The following NBAS variants were observed in gnomAD, a reference collection of about 807,000 sequenced individuals.
NBAS encodes the protein NAG/BC035112 fusion.
In NBAS, 219 loss-of-function variants were observed where a neutral mutation model predicts 302.5. That is an observed-to-expected ratio of 0.72 (90% CI 0.65 to 0.81). NBAS has a LOEUF of 0.81. Ranked by LOEUF, NBAS falls within the 30% of genes least tolerant of loss-of-function variation. The pLI, the probability that NBAS is intolerant of heterozygous loss-of-function variation, is 0.00. For missense variants in NBAS, 2,932 were observed against 2,841.6 expected, an observed-to-expected ratio of 1.03 and a Z score of -0.72; for synonymous variants, 1,118 against 1,021.6, an observed-to-expected ratio of 1.09 and a Z score of -1.80.
intron 48 of NBAS, among the ~76,000 whole-genome samples, chr2:15,202,701 G>A (rs1167431774): frequency 1.3e-5 from 2 of 152,038 alleles, no homozygotes; most frequent in African/African-American, 2.4e-5. Context: ...TACCACGCTG[G>A]GCTAATTTTG....
In NBAS at chr2:15,339,508, A is replaced by G. The variant is rs561465883; in HGVS notation, c.4180-8743T>C. Among the ~76,000 whole-genome samples the G allele has an allele frequency of 1.3e-4, 20 of 152,320 alleles. No homozygotes were observed. The South Asian group carries it at 3.9e-3, about 30-fold the overall frequency. ...CATTTACTCATTCATTCTTCCACAA[A>G]TATTTATGACACCAACTTGTGACAG... On this transcript the variant is annotated intron_variant, in intron 35 of 51. Transcript: ENST00000281513.
At chr2:15,353,455 T>C (rs1673463505) in intron 34 of NBAS, 98 bp downstream of exon 34, 2 of 1,429,124 alleles carry the variant, frequency 1.4e-6, no homozygotes, top group Admixed American at 1.7e-5. Context: ...AAATTAAAAT[T>C]CTCATACTAC....
the NBAS span, among the ~76,000 whole-genome samples, chr2:15,142,277 G>C: frequency 6.6e-6 from 1 of 152,190 alleles, no homozygotes; most frequent in East Asian, 1.9e-4. Context: ...CAGCCTTGAC[G>C]TTTGTCAACC....
intron 50 of NBAS, among the ~76,000 whole-genome samples, chr2:15,182,833 A>G (rs947174522): frequency 6.6e-6 from 1 of 152,222 alleles, no homozygotes; most frequent in African/African-American, 2.4e-5. Flanking sequence ...CATCATGGCC[A>G]TAAGTAAGCA....
intron 26 of NBAS, among the ~76,000 whole-genome samples, chr2:15,398,176 C>T (rs1476528212): frequency 1.3e-5 from 2 of 151,814 alleles, no homozygotes; most frequent in African/African-American, 4.8e-5. Context: ...CAGGGTTTTG[C>T]TCTGTCACCT....
At chr2:15,513,728 T>C (rs1662252663) in intron 9 of NBAS, among the ~76,000 whole-genome samples, 5 of 151,826 alleles carry the variant, frequency 3.3e-5, no homozygotes, top group Admixed American at 2.6e-4. Flanking sequence ...GTGGCTCATG[T>C]CTGTAATCCC....
At chr2:15,095,974 G>C in the NBAS span, among the ~76,000 whole-genome samples, 1 of 152,188 alleles carries the variant, frequency 6.6e-6, no homozygotes, top group Non-Finnish European at 1.5e-5. Context: ...CTTCCCTGGT[G>C]CCAGAGCCAC....
chr2:14,883,975 A>AAAATAAAAT, the NBAS span, among the ~76,000 whole-genome samples: 1 of 151,550 alleles, frequency 6.6e-6, no homozygotes, highest in African/African-American at 2.4e-5. Context: ...TTCTCTCAAA[A>AAAATAAAAT]AAAATAAAAT....
At chr2:15,312,672 T>C (rs1257362495) in intron 38 of NBAS, among the ~76,000 whole-genome samples, 2 of 152,234 alleles carry the variant, frequency 1.3e-5, no homozygotes, top group Non-Finnish European at 2.9e-5. Context: ...AACTCCTTGT[T>C]GGACACTGCC....
the NBAS span, among the ~76,000 whole-genome samples, chr2:14,810,538 A>G: frequency 6.6e-6 from 1 of 152,170 alleles, no homozygotes; most frequent in Non-Finnish European, 1.5e-5. Context: ...GTCCAATTAA[A>G]TCTTTTTCTT....
intron 38 of NBAS, among the ~76,000 whole-genome samples, chr2:15,317,954 A>C (rs11889902): frequency 0.051 from 7,841 of 152,270 alleles, 286 homozygotes; most frequent in African/African-American, 0.1. Flanking sequence ...TGTCAGATTC[A>C]CCAAGGTTGA....
the NBAS span, among the ~76,000 whole-genome samples, chr2:14,993,687 TA>T: frequency 3.3e-5 from 5 of 152,224 alleles, no homozygotes; most frequent in Non-Finnish European, 7.3e-5. Context: ...GCATGTTTAT[TA>T]AAAACCCAGT....
At chr2:14,791,994 A>C in the NBAS span, among the ~76,000 whole-genome samples, 2 of 151,990 alleles carry the variant, frequency 1.3e-5, no homozygotes, top group East Asian at 3.9e-4. Context: ...GAGGGTGATC[A>C]GGTCAGGACA....
the NBAS span, among the ~76,000 whole-genome samples, chr2:15,155,360 G>C: frequency 0.12 from 18,902 of 152,112 alleles, 1,478 homozygotes; most frequent in South Asian, 0.24. Context: ...TTTTTCAAGA[G>C]AGTGGAGACT....
At chr2:15,090,158 G>C in the NBAS span, among the ~76,000 whole-genome samples, 3 of 152,176 alleles carry the variant, frequency 2.0e-5, no homozygotes, top group Non-Finnish European at 4.4e-5. Flanking sequence ...TATGGCCTCT[G>C]CCATTTGCTA....
chr2:15,135,053 G>C, the NBAS span, among the ~76,000 whole-genome samples: 1 of 152,204 alleles, frequency 6.6e-6, no homozygotes, highest in Admixed American at 6.5e-5. Context: ...GCCCACACTT[G>C]TATGGAGAAT....
chr2:14,925,359 A>C, the NBAS span, among the ~76,000 whole-genome samples: 4 of 152,146 alleles, frequency 2.6e-5, no homozygotes, highest in Admixed American at 6.5e-5. Flanking sequence ...TCTCGACAAG[A>C]AATATTCATA....
chr2:14,957,055 G>C, the NBAS span, among the ~76,000 whole-genome samples: 6 of 152,150 alleles, frequency 3.9e-5, no homozygotes, highest in African/African-American at 1.4e-4. Flanking sequence ...GATATTCCAA[G>C]AGAGAAGACA....
chr2:14,790,649 C>CTTTTT, the NBAS span, among the ~76,000 whole-genome samples: 4 of 124,414 alleles, frequency 3.2e-5, no homozygotes, highest in Non-Finnish European at 4.9e-5. Context: ...GAATTCATGC[C>CTTTTT]TTTTTTTTTT....
Sources: gnomAD v4.1 joint callset for allele counts (sites outside exome capture counted in the v4.1 genomes callset) on GRCh38, gnomAD v4.1.1 for gene constraint, MANE v1.5 for transcripts, NCBI Gene and HGNC (gene_info 2026-07-23, HGNC 2026-07-21) for gene names.